The following TFDP2 variants were observed in gnomAD, a reference collection of about 807,000 sequenced individuals.
TFDP2 encodes transcription factor Dp-2.
Under a neutral mutation model 59.3 loss-of-function variants are expected in TFDP2, and 17 were observed. That is an observed-to-expected ratio of 0.29 (90% CI 0.20 to 0.43). The LOEUF is 0.43. Ranked by LOEUF, TFDP2 falls within the 20% of genes least tolerant of loss-of-function variation. The pLI is 1.00. For missense variants in TFDP2, 391 were observed against 528.8 expected, an observed-to-expected ratio of 0.74 and a Z score of 2.56; for synonymous variants, 180 against 194.7, an observed-to-expected ratio of 0.92 and a Z score of 0.63.
intron 1 of TFDP2, among the ~76,000 whole-genome samples, chr3:142,124,331 T>C (rs2062157479): frequency 6.6e-6 from 1 of 152,094 alleles, no homozygotes; most frequent in Non-Finnish European, 1.5e-5. Flanking sequence ...TTTAAACAAG[T>C]TGTAAAGTCA....
chr3:142,091,069 C>T (rs2060981035), intron 3 of TFDP2, among the ~76,000 whole-genome samples: 1 of 152,134 alleles, frequency 6.6e-6, no homozygotes, highest in South Asian at 2.1e-4. Context: ...TGTGAATAAG[C>T]TATGGGTATA....
At chr3:142,034,579 C>T (rs1199315820) in intron 3 of TFDP2, among the ~76,000 whole-genome samples, 4 of 152,208 alleles carry the variant, frequency 2.6e-5, no homozygotes, top group African/African-American at 9.7e-5. Flanking sequence ...AAATGAACTG[C>T]ATTGTCTAAA....
At chr3:142,010,095 T>C (rs1490294001) in intron 3 of TFDP2, among the ~76,000 whole-genome samples, 1 of 152,218 alleles carries the variant, frequency 6.6e-6, no homozygotes, top group Non-Finnish European at 1.5e-5. Flanking sequence ...ACTTTCTCTA[T>C]AGCAAGACTT....
intron 3 of TFDP2, among the ~76,000 whole-genome samples, chr3:142,091,978 C>T (rs548595966): frequency 3.5e-4 from 54 of 152,146 alleles, no homozygotes; most frequent in African/African-American, 1.3e-3. Context: ...TTTAAGGAAG[C>T]TGATGTTTCT....
At chr3:142,062,334 C>A (rs2059943279) in intron 3 of TFDP2, among the ~76,000 whole-genome samples, 1 of 150,736 alleles carries the variant, frequency 6.6e-6, no homozygotes, top group Non-Finnish European at 1.5e-5. Context: ...GAGGTCAGTG[C>A]CCCAACCACT....
rs560996493 is a variant in TFDP2 at position 141,968,268 on chromosome 3, TTA to T, written c.732+1803_732+1804del. Among the ~76,000 whole-genome samples the T allele has an allele frequency of 6.9e-3, 923 of 134,084 alleles. 17 individuals are homozygous for T. Among genetic ancestry groups the T allele is most frequent in the African/African-American group, 0.024 (859 of 35,846 alleles). The allele number at this position is 134,084 out of a possible 152,430, so 88.0% of individuals were successfully genotyped here. On this transcript the variant is annotated intron_variant, in intron 9 of 12. Transcript: ENST00000489671. ...TTTATATATTATATATTATATATAA[TTA>T]TATATAATATATAACAATATATATA... is the stretch of plus-strand genomic sequence containing the variant.
At chr3:142,026,324 A>C (rs1463412967) in intron 3 of TFDP2, among the ~76,000 whole-genome samples, 2 of 147,358 alleles carry the variant, frequency 1.4e-5, no homozygotes, top group East Asian at 1.9e-4. Context: ...AAAAACAAAA[A>C]AACAACAAAA....
chr3:142,145,381 G>A (rs2063132878), intron 1 of TFDP2: 1 of 152,174 alleles, frequency 6.6e-6, no homozygotes, highest in Non-Finnish European at 1.5e-5. Flanking sequence ...ACTGAAGTTA[G>A]ATGTAATTTT....
At chr3:141,966,121 A>ATGG (rs961831827) in intron 9 of TFDP2, among the ~76,000 whole-genome samples, 41 of 151,970 alleles carry the variant, frequency 2.7e-4, no homozygotes, top group Admixed American at 5.9e-4. Context: ...AATAGTATCA[A>ATGG]TGGTTTTTCA....
intron 6 of TFDP2, among the ~76,000 whole-genome samples, chr3:141,980,102 A>C (rs4683415): frequency 6.6e-6 from 1 of 151,510 alleles, no homozygotes; most frequent in Non-Finnish European, 1.5e-5. Flanking sequence ...ACAGGGTCTC[A>C]TTATGTTGCC....
chr3:141,970,322 C>A (rs1289511184), intron 8 of TFDP2, among the ~76,000 whole-genome samples, 181 bp from the exon 9 acceptor site: 1 of 152,128 alleles, frequency 6.6e-6, no homozygotes, highest in Non-Finnish European at 1.5e-5. Context: ...CAAGTAGACA[C>A]AACATCAGAT....
intron 3 of TFDP2, among the ~76,000 whole-genome samples, chr3:142,023,959 C>T (rs1407907801): frequency 6.6e-6 from 1 of 152,084 alleles, no homozygotes; most frequent in Non-Finnish European, 1.5e-5. Context: ...TGCCACCATG[C>T]CCAGTTAATT....
intron 3 of TFDP2, among the ~76,000 whole-genome samples, chr3:142,080,442 G>A (rs1463573039): frequency 6.6e-6 from 1 of 152,038 alleles, no homozygotes; most frequent in Non-Finnish European, 1.5e-5. Context: ...AAGGAATGAA[G>A]AGAACATCAC....
intron 1 of TFDP2, among the ~76,000 whole-genome samples, chr3:142,124,959 G>A (rs998262900): frequency 2.6e-5 from 4 of 152,116 alleles, no homozygotes; most frequent in Admixed American, 1.3e-4. Context: ...GCTCTGGGAC[G>A]CCAAGGTGGG....
chr3:142,104,426 A>G (rs139809801), intron 1 of TFDP2, among the ~76,000 whole-genome samples: 3 of 152,188 alleles, frequency 2.0e-5, no homozygotes, highest in African/African-American at 4.8e-5. Flanking sequence ...TCTGTATCTA[A>G]TAGATCTGAA....
chr3:141,957,426 C>G (rs1258619383), intron 11 of TFDP2, among the ~76,000 whole-genome samples: 2 of 152,142 alleles, frequency 1.3e-5, no homozygotes, highest in Non-Finnish European at 2.9e-5. Context: ...AAATGTTAAA[C>G]ACAGAGTTAC....
intron 1 of TFDP2, among the ~76,000 whole-genome samples, chr3:142,102,514 C>A (rs2108649329): frequency 6.6e-6 from 1 of 152,262 alleles, no homozygotes; most frequent in East Asian, 1.9e-4. Context: ...GTTAGTAAAA[C>A]TTCCATTTTG....
intron 1 of TFDP2, among the ~76,000 whole-genome samples, chr3:142,126,964 AT>A (rs1411332282): frequency 7.3e-4 from 110 of 150,196 alleles, no homozygotes; most frequent in Non-Finnish European, 9.3e-4. Flanking sequence ...AAAAAAAAAA[AT>A]TACAGTAAAA....
At chr3:141,988,102 T>C (rs1401260905) in intron 6 of TFDP2, among the ~76,000 whole-genome samples, 2 of 152,006 alleles carry the variant, frequency 1.3e-5, no homozygotes, top group Non-Finnish European at 2.9e-5. Context: ...TATACCACCA[T>C]GCCTGGCTAA....
Sources: gnomAD v4.1 joint callset for allele counts (sites outside exome capture counted in the v4.1 genomes callset) on GRCh38, gnomAD v4.1.1 for gene constraint, MANE v1.5 for transcripts, NCBI Gene and HGNC (gene_info 2026-07-23, HGNC 2026-07-21) for gene names.